Variants in LITAF observed in about 807,000 individuals in gnomAD.
LITAF encodes the protein lipopolysaccharide induced TNF factor.
A neutral mutation model predicts 14.5 loss-of-function variants in LITAF; 9 were observed. The ratio of observed to expected loss-of-function variants is 0.62; its 90% CI spans 0.37 to 1.08. The LOEUF is 1.08. Ranked by LOEUF, LITAF falls within the 50% of genes least tolerant of loss-of-function variation. The probability of loss-of-function intolerance (pLI) is 0.01; values close to 1 mark genes in which losing one functional copy is unlikely to be tolerated. For missense variants in LITAF, 206 were observed against 213.4 expected, an observed-to-expected ratio of 0.97 and a Z score of 0.22; for synonymous variants, 98 against 88.2, an observed-to-expected ratio of 1.11 and a Z score of -0.62.
At position 11,620,994 on chromosome 16, in the gene LITAF, C is replaced by T. The variant is rs374008466; in HGVS notation, c.85+12539G>A. ...TACTGCAGCCTCAACTTTCTGGGCTCAGGTGATCCTGCCACCTCAGTCTCC... is the reference window on the plus strand; with the variant it reads ...TACTGCAGCCTCAACTTTCTGGGCTTAGGTGATCCTGCCACCTCAGTCTCC... On this transcript the variant is annotated intron_variant, in intron 3 of 3. Coordinates refer to the LITAF transcript ENST00000574848. 8.5e-5 allele frequency among the ~76,000 whole-genome samples: 13 copies of T among 152,212 alleles called. No individual in the cohort carries two copies. The East Asian group carries it at 1.9e-3, about 23-fold the overall frequency.
At chr16:11,613,463 C>T (rs1021818439) in intron 3 of LITAF, among the ~76,000 whole-genome samples, 2 of 152,180 alleles carry the variant, frequency 1.3e-5, no homozygotes, top group Non-Finnish European at 2.9e-5. Flanking sequence ...GTCTGAGGTG[C>T]CAGAGTGTGT....
At chr16:11,581,016 TG>T (rs1394606639) in intron 1 of LITAF, among the ~76,000 whole-genome samples, 1 of 152,292 alleles carries the variant, frequency 6.6e-6, no homozygotes, top group African/African-American at 2.4e-5. Flanking sequence ...CCTCCTGCCT[TG>T]TCCTCCCAGA....
At chr16:11,590,862 A>G (rs907347994), upstream of LITAF, among the ~76,000 whole-genome samples, 6 of 117,120 alleles carry the variant, frequency 5.1e-5, 1 homozygote, top group East Asian at 5.9e-4. Context: ...CCTCTCGAGT[A>G]GCTGGGACTA....
Position 11,558,631 on chromosome 16 carries a change from C to G in LITAF, c.-5-1896G>C, listed in dbSNP as rs1448349101. Reference sequence around the variant, plus strand: ...GCTGAGGCAGGAGGATTGCTTAATCCTAGGAGGTTGAGGCTGCAGTGAGCC... The same window carrying G: ...GCTGAGGCAGGAGGATTGCTTAATCGTAGGAGGTTGAGGCTGCAGTGAGCC... On this transcript the variant is annotated intron_variant, in intron 1 of 3. Coordinates refer to ENST00000622633, the MANE Select transcript of LITAF (RefSeq NM_001136472.2). This position sits in a 1 kb window ranked among gnomAD's most constrained non-coding sequence, Gnocchi z 4.1. 6.6e-6 allele frequency among the ~76,000 whole-genome samples: 1 copy of G among 151,926 alleles called. No homozygotes were observed. Among genetic ancestry groups the G allele is most frequent in the Non-Finnish European group, 1.5e-5 (1 of 67,926 alleles).
intron 3 of LITAF, among the ~76,000 whole-genome samples, chr16:11,613,768 C>T (rs2064998761): frequency 6.6e-6 from 1 of 152,218 alleles, no homozygotes; most frequent in Admixed American, 6.5e-5. Context: ...ACCGAGGGCA[C>T]AGAGGTGGCT....
intron 3 of LITAF, among the ~76,000 whole-genome samples, chr16:11,612,486 G>A (rs899579353): frequency 3.3e-5 from 5 of 152,240 alleles, no homozygotes; most frequent in African/African-American, 1.2e-4. Flanking sequence ...GTTTCTGTGG[G>A]AACGGCTGTC....
rs1228589421 is a variant in LITAF at position 11,553,165 on chromosome 16, C to A, written c.377+368G>T. On this transcript the variant is annotated intron_variant, in intron 3 of 3. Transcript: ENST00000622633. The surrounding 1 kb of genome is among the most constrained non-coding windows in gnomAD (Gnocchi z 7.7). ...CAGGCACAGTGGCTCACACCTGTAA[C>A]CCCAGCAGTTTGGGAGGCCAAGGTG... Among the ~76,000 whole-genome samples the A allele has an allele frequency of 6.7e-6, 1 of 149,970 alleles. No individual in the cohort carries two copies. Among genetic ancestry groups the A allele is most frequent in the Non-Finnish European group, 1.5e-5 (1 of 67,486 alleles).
chr16:11,577,371 G>A (rs2064656407), intron 1 of LITAF, among the ~76,000 whole-genome samples: 1 of 144,672 alleles, frequency 6.9e-6, no homozygotes, highest in African/African-American at 2.6e-5. Context: ...AGGCTGGAGT[G>A]CAGTGGCACA....
chr16:11,563,434 G>A (rs965043766), intron 1 of LITAF, among the ~76,000 whole-genome samples: 1 of 152,128 alleles, frequency 6.6e-6, no homozygotes, highest in Non-Finnish European at 1.5e-5. Flanking sequence ...ACAGGCGTGA[G>A]TCACCACGCC....
At position 11,578,125 on chromosome 16, in the gene LITAF, G is replaced by T. The variant is rs79334060; in HGVS notation, c.-6+8761C>A. Among the ~76,000 whole-genome samples the T allele has an allele frequency of 8.5e-5, 13 of 152,086 alleles. No homozygotes were observed. In the East Asian group the frequency reaches 2.5e-3, roughly 30 times the overall value. ...TGTTGCTCAGGCCGGTCTTAAACTCGTGGGTTCAAGTAATCCACCCGCCTC... is the reference window on the plus strand; with the variant it reads ...TGTTGCTCAGGCCGGTCTTAAACTCTTGGGTTCAAGTAATCCACCCGCCTC... On this transcript the variant is annotated intron_variant, in intron 1 of 3. Transcript: ENST00000622633.
At chr16:11,565,321 G>T (rs974635138) in intron 1 of LITAF, among the ~76,000 whole-genome samples, 18 of 151,936 alleles carry the variant, frequency 1.2e-4, no homozygotes, top group African/African-American at 3.4e-4. Context: ...AACCTCAAGT[G>T]ATCCACCTGC....
chr16:11,605,067 G>T lies in LITAF; in HGVS notation c.85+28466C>A, dbSNP rs543824243. Among the ~76,000 whole-genome samples, 1 of 152,170 alleles carries T rather than the reference G, an allele frequency of 6.6e-6. No individual in the cohort carries two copies. The highest frequency in any genetic ancestry group is 2.4e-5 in the African/African-American group (1 of 41,446). On this transcript the variant is annotated intron_variant, in intron 3 of 3. Transcript: ENST00000574848. This position sits in a 1 kb window ranked among gnomAD's most constrained non-coding sequence, Gnocchi z 4.7. ...GGCCAGGACCACTGCTGGACGTGGG[G>T]CACTTGAATGGGTCCCTCACCCGTG...
chr16:11,611,861 C>T (rs2064983929), intron 3 of LITAF, among the ~76,000 whole-genome samples: 1 of 152,018 alleles, frequency 6.6e-6, no homozygotes, highest in Non-Finnish European at 1.5e-5. Flanking sequence ...AACAGGGTTT[C>T]ACCATGTTGT....
intron 3 of LITAF, among the ~76,000 whole-genome samples, chr16:11,550,396 G>C (rs1013612735): frequency 6.6e-6 from 1 of 151,800 alleles, no homozygotes; most frequent in African/African-American, 2.4e-5. Flanking sequence ...GGCCCCTGCT[G>C]ACATTTTGAT....
At chr16:11,589,638 T>TTC (rs1395416819), upstream of LITAF, among the ~76,000 whole-genome samples, 1 of 150,668 alleles carries the variant, frequency 6.6e-6, no homozygotes, top group Non-Finnish European at 1.5e-5. Context: ...TTTTTTTTTT[T>TTC]TCGAGACAGG....
At chr16:11,561,588 G>A (rs1425936460) in intron 1 of LITAF, 1 of 152,100 alleles carries the variant, frequency 6.6e-6, no homozygotes. Flanking sequence ...AAAAGAACAA[G>A]AGCAACAGGC....
intron 1 of LITAF, among the ~76,000 whole-genome samples, chr16:11,592,783 C>T (rs1015378100): frequency 2.0e-5 from 3 of 152,090 alleles, no homozygotes; most frequent in African/African-American, 7.2e-5. Flanking sequence ...TGCCTGTAAT[C>T]CTAACACTTT....
rs1406584109 is a variant in LITAF, at chr16:11,549,314, T to G, written c.*323A>C. On this transcript the variant is annotated 3_prime_UTR_variant, in exon 4 of 4. Coordinates refer to ENST00000622633, the MANE Select transcript of LITAF (RefSeq NM_001136472.2). This position sits in a 1 kb window ranked among gnomAD's most constrained non-coding sequence, Gnocchi z 4.6. ...CATGGAAGCAGGAAAAAAGAGCCAC[T>G]GATGGCAGATCACAGGAAGATATTC... 1 of 455,532 alleles carries G rather than the reference T, an allele frequency of 2.2e-6. No homozygotes were observed. Among genetic ancestry groups the G allele is most frequent in the Non-Finnish European group, 4.4e-6 (1 of 226,500 alleles). 28.2% of individuals were successfully genotyped at this position (455,532 alleles called of 1,614,324 possible).
chr16:11,571,539 A>G (rs909320474), intron 1 of LITAF, among the ~76,000 whole-genome samples: 6 of 152,042 alleles, frequency 3.9e-5, no homozygotes, highest in Non-Finnish European at 7.4e-5. Flanking sequence ...GCAGATTCTC[A>G]ATGGGCACTC....
Sources: gnomAD v4.1 joint callset for allele counts (sites outside exome capture counted in the v4.1 genomes callset) on GRCh38, gnomAD v4.1.1 for gene constraint, Gnocchi (gnomAD v3.1) non-coding constraint, MANE v1.5 for transcripts, NCBI Gene and HGNC (gene_info 2026-07-23, HGNC 2026-07-21) for gene names.